The following TKT variants were observed in gnomAD, a reference collection of about 807,000 sequenced individuals.
TKT encodes epididymis luminal protein 107.
TKT carries 47 observed loss-of-function variants against 63.9 expected under a neutral mutation model. The observed-to-expected ratio is 0.74, with a 90% CI of 0.58 to 0.94. The LOEUF (loss-of-function observed/expected upper bound fraction) is 0.94. Ranked by LOEUF, TKT falls within the 40% of genes least tolerant of loss-of-function variation. TKT has a pLI of 0.00. For synonymous variants in TKT, 338 were observed against 334.1 expected (o/e 1.01, Z -0.13); for missense variants, 721 against 846.2 (o/e 0.85, Z 1.84).
intron 4 of TKT, among the ~76,000 whole-genome samples, chr3:53,236,706 A>T (rs1705047612): frequency 6.6e-6 from 1 of 152,190 alleles, no homozygotes; most frequent in African/African-American, 2.4e-5. Context: ...ACTTCCAGGG[A>T]AGTCGAACCG....
intron 1 of TKT, among the ~76,000 whole-genome samples, chr3:53,249,983 A>G (rs1368641741): frequency 6.6e-6 from 1 of 152,224 alleles, no homozygotes; most frequent in Non-Finnish European, 1.5e-5. Flanking sequence ...CAGGGGCCGG[A>G]CATCAGTTAG....
chr3:53,233,409 G>C, intron 5 of TKT, 135 bp from the exon 6 acceptor site: 1 of 547,110 alleles, frequency 1.8e-6, no homozygotes, highest in Middle Eastern at 4.6e-4. Context: ...AGCTGGAGTA[G>C]TAGAAAGCTT....
At chr3:53,249,059 C>T (rs145466781) in intron 1 of TKT, among the ~76,000 whole-genome samples, 71 of 151,998 alleles carry the variant, frequency 4.7e-4, no homozygotes, top group African/African-American at 1.7e-3. Flanking sequence ...CTCCGCCTCC[C>T]GGGTTCAAGC....
intron 1 of TKT, among the ~76,000 whole-genome samples, chr3:53,252,003 G>A (rs1295037498): frequency 2.0e-5 from 3 of 152,212 alleles, no homozygotes; most frequent in Non-Finnish European, 4.4e-5. Context: ...AGCCGGGCGT[G>A]GTGGTGCATG....
chr3:53,225,695 T>G lies in TKT; in HGVS notation c.*61A>C. On this transcript the variant is annotated 3_prime_UTR_variant, in exon 14 of 14. Coordinates refer to ENST00000462138, the MANE Select transcript of TKT (RefSeq NM_001064.4). ...TTTACCCCTCCTCTCAGTACATCTT[T>G]GAGCACCTTTCCCAGAATCTCAGGA... 6.6e-7 allele frequency: 1 copy of G among 1,507,936 alleles called. No individual in the cohort carries two copies. The highest frequency in any genetic ancestry group is 9.0e-7 in the Non-Finnish European group (1 of 1,115,914). The allele number at this position is 1,507,936 out of a possible 1,614,324, so 93.4% of individuals were successfully genotyped here.
chr3:53,229,739 A>G (rs1453537620), intron 8 of TKT, among the ~76,000 whole-genome samples: 1 of 151,992 alleles, frequency 6.6e-6, no homozygotes, highest in East Asian at 1.9e-4. Context: ...AAAATCTGCC[A>G]GCCAACACAA....
At chr3:53,249,050 T>C (rs1317326528) in intron 1 of TKT, among the ~76,000 whole-genome samples, 1 of 151,894 alleles carries the variant, frequency 6.6e-6, no homozygotes, top group Non-Finnish European at 1.5e-5. Context: ...CACTGCAACC[T>C]CCGCCTCCCG....
intron 4 of TKT, among the ~76,000 whole-genome samples, chr3:53,239,673 G>A (rs1019624031): frequency 6.6e-6 from 1 of 151,986 alleles, no homozygotes; most frequent in African/African-American, 2.4e-5. Context: ...ATCACCTGGT[G>A]GGCGCTAGAG....
chr3:53,231,545 C>T lies in TKT; in HGVS notation c.754G>A (p.Glu252Lys). The change falls in exon 7 of 14, where the codon GAA (glutamate) becomes AAA (lysine). Residue 252 changes from glutamate (E) to lysine (K), a missense_variant. Physicochemically the swap from Glu to Lys is moderately conservative, Grantham distance 56. Transcript: ENST00000462138. The part of the protein sequence containing the change: ...TFKGRGITGV[E>K]DKESWHGKPL... The stretch of plus-strand genomic sequence containing the variant: ...TTCCCATGCCAAGACTCCTTATCTT[C>T]TACCCCTGCAGACCCAACACGGGAG... 4 of 1,613,538 alleles carry T rather than the reference C, an allele frequency of 2.5e-6. No homozygotes were observed. Among genetic ancestry groups the T allele is most frequent in the Non-Finnish European group, 3.4e-6 (4 of 1,179,730 alleles).
At position 53,227,047 on chromosome 3, in the gene TKT, C is replaced by T. The variant is rs1372863040; in HGVS notation, c.1574-169G>A. The T allele has an allele frequency of 2.5e-5, 19 of 774,878 alleles. No homozygotes were observed. In the African/African-American group the frequency reaches 2.6e-4, roughly 11 times the overall value. The allele number at this position is 774,878 out of a possible 1,614,324, so 48.0% of individuals were successfully genotyped here. On this transcript the variant is annotated intron_variant, in intron 12 of 13. Coordinates refer to ENST00000462138, the MANE Select transcript of TKT (RefSeq NM_001064.4). ...TTGCCACCTCGTTCCCATGGCTGAG[C>T]TCATGCTTGCCAACCCCTTGCACTG... is the stretch of plus-strand genomic sequence containing the variant.
At chr3:53,251,654 CTCAG>C (rs1469226296) in intron 1 of TKT, among the ~76,000 whole-genome samples, 26 of 152,152 alleles carry the variant, frequency 1.7e-4, no homozygotes, top group African/African-American at 6.3e-4. Context: ...CAAATCCTGT[CTCAG>C]TAAGTGGCCA....
At chr3:53,253,401 G>A (rs1705842304) in intron 1 of TKT, among the ~76,000 whole-genome samples, 1 of 152,066 alleles carries the variant, frequency 6.6e-6, no homozygotes, top group Non-Finnish European at 1.5e-5. Context: ...TCAACTTCCT[G>A]GGCTCAAGTG....
At chr3:53,247,039 T>C (rs1342739563) in intron 1 of TKT, among the ~76,000 whole-genome samples, 1 of 151,368 alleles carries the variant, frequency 6.6e-6, no homozygotes, top group African/African-American at 2.4e-5. Context: ...GAGTACATCA[T>C]TTATCTTCTT....
At chr3:53,237,032 A>G (rs1202435759) in intron 4 of TKT, among the ~76,000 whole-genome samples, 27 of 152,240 alleles carry the variant, frequency 1.8e-4, no homozygotes, top group Non-Finnish European at 3.1e-4. Flanking sequence ...CCAACAACAA[A>G]GGACTGGCTA....
chr3:53,249,461 T>C (rs1705656803), intron 1 of TKT, among the ~76,000 whole-genome samples: 1 of 151,960 alleles, frequency 6.6e-6, no homozygotes. Context: ...CATGCACCTG[T>C]AATCCCAGCT....
At chr3:53,226,077 T>A in intron 13 of TKT, 146 bp from the exon 14 acceptor site, 1 of 689,828 alleles carries the variant, frequency 1.4e-6, no homozygotes, top group Non-Finnish European at 2.2e-6. Context: ...ATCACATAAC[T>A]CATTGATTTT....
At chr3:53,253,533 G>C (rs1038346734) in intron 1 of TKT, among the ~76,000 whole-genome samples, 1 of 152,242 alleles carries the variant, frequency 6.6e-6, no homozygotes, top group Non-Finnish European at 1.5e-5. Flanking sequence ...CACTTCGGGA[G>C]GCCGAGGTGG....
At chr3:53,255,415 G>A (rs961901083) in intron 1 of TKT, among the ~76,000 whole-genome samples, 3 of 152,222 alleles carry the variant, frequency 2.0e-5, no homozygotes, top group East Asian at 1.9e-4. Flanking sequence ...GAACACTCCC[G>A]GCGGCGCCCA....
At chr3:53,252,493 C>T (rs1705793006) in intron 1 of TKT, among the ~76,000 whole-genome samples, 1 of 152,206 alleles carries the variant, frequency 6.6e-6, no homozygotes, top group African/African-American at 2.4e-5. Context: ...TACATACACA[C>T]ACACAGTCAC....
Sources: gnomAD v4.1 joint callset for allele counts (sites outside exome capture counted in the v4.1 genomes callset) on GRCh38, gnomAD v4.1.1 for gene constraint, MANE v1.5 for transcripts, NCBI Gene and HGNC (gene_info 2026-07-23, HGNC 2026-07-21) for gene names.